MPP7: variants seen among roughly 807,000 people sequenced by gnomAD.
MPP7 encodes MAGUK p55 subfamily member 7.
Under a neutral mutation model 76.5 loss-of-function variants are expected in MPP7, and 60 were observed. The observed-to-expected ratio is 0.78, with a 90% CI of 0.64 to 0.97. MPP7 has a LOEUF of 0.97. Among genes scored for constraint, MPP7 ranks in the 50% least tolerant of loss-of-function variants. The probability of loss-of-function intolerance (pLI) is 0.00; values close to 1 mark genes in which losing one functional copy is unlikely to be tolerated. For missense variants in MPP7, 641 were observed against 694.0 expected, an observed-to-expected ratio of 0.92 and a Z score of 0.86; for synonymous variants, 237 against 244.5, an observed-to-expected ratio of 0.97 and a Z score of 0.29.
At chr10:28,185,077 C>G (rs1837189441) in intron 3 of MPP7, among the ~76,000 whole-genome samples, 1 of 147,128 alleles carries the variant, frequency 6.8e-6, no homozygotes, top group Non-Finnish European at 1.5e-5. Context: ...GCCTGTAATC[C>G]CAGCACTTTG....
intron 1 of MPP7, among the ~76,000 whole-genome samples, chr10:28,256,982 A>G (rs563424761): frequency 2.6e-5 from 4 of 152,236 alleles, no homozygotes; most frequent in African/African-American, 7.2e-5. Flanking sequence ...AGGTAACCAC[A>G]GTTGGCTACA....
At chr10:28,072,553 C>G (rs1852288059) in intron 12 of MPP7, among the ~76,000 whole-genome samples, 1 of 152,194 alleles carries the variant, frequency 6.6e-6, no homozygotes, top group African/African-American at 2.4e-5. Flanking sequence ...CTGTGGAAAC[C>G]ACTCTCTATG....
Position 28,245,682 on chromosome 10 carries a change from T to A in MPP7, c.-131-6947A>T, listed in dbSNP as rs761724112. ...TCACATTTTTTTTTTCAAGACAGAGTTCCGCTCTTGTTGCCCAGGCTGGAG... is the reference window on the plus strand; with the variant it reads ...TCACATTTTTTTTTTCAAGACAGAGATCCGCTCTTGTTGCCCAGGCTGGAG... On this transcript the variant is annotated intron_variant, in intron 1 of 16. Coordinates refer to ENST00000683449, the MANE Select transcript of MPP7 (RefSeq NM_001318170.2). Among the ~76,000 whole-genome samples, 39 of 150,648 alleles carry A rather than the reference T, an allele frequency of 2.6e-4. 1 individual carries two copies. Among genetic ancestry groups the A allele is most frequent in the South Asian group, 1.7e-3 (8 of 4,760 alleles).
intron 14 of MPP7, 45 bp downstream of exon 14, chr10:28,059,605 T>C: frequency 2.3e-6 from 3 of 1,283,168 alleles, no homozygotes; most frequent in Non-Finnish European, 3.4e-6. Context: ...AGGCATGTGC[T>C]TATAAAAAAC....
At chr10:28,173,618 A>G (rs1202094617) in intron 3 of MPP7, among the ~76,000 whole-genome samples, 1 of 152,154 alleles carries the variant, frequency 6.6e-6, no homozygotes, top group African/African-American at 2.4e-5. Context: ...GAGCCAAATA[A>G]ATTTTTCTTT....
intron 1 of MPP7, among the ~76,000 whole-genome samples, chr10:28,277,285 G>A (rs1446878112): frequency 1.3e-5 from 2 of 151,324 alleles, no homozygotes; most frequent in Non-Finnish European, 2.9e-5. Context: ...CAATCTTTTG[G>A]CTTTCCTGGG....
upstream of MPP7, among the ~76,000 whole-genome samples, chr10:28,307,073 G>A (rs995871428): frequency 1.3e-5 from 2 of 152,184 alleles, no homozygotes; most frequent in Admixed American, 6.5e-5. Flanking sequence ...CCCTGTTTAT[G>A]AGCAGAGGTT....
chr10:28,081,189 G>C lies in MPP7; in HGVS notation c.1123+8482C>G, dbSNP rs77682349. Among the ~76,000 whole-genome samples the C allele has an allele frequency of 8.4e-3, 1,285 of 152,324 alleles. 15 individuals are homozygous for C. The highest frequency in any genetic ancestry group is 0.014 in the Non-Finnish European group (928 of 68,026). On this transcript the variant is annotated intron_variant, in intron 12 of 16. Coordinates refer to ENST00000683449, the MANE Select transcript of MPP7 (RefSeq NM_001318170.2). ...TGTACCTCCCAGCCAGACAGAACAA[G>C]TCGCAAATTGTCTGAATATCCACAA... is the stretch of plus-strand genomic sequence containing the variant.
chr10:28,311,399 T>C (rs1156493882), intron 2 of MPP7, among the ~76,000 whole-genome samples: 1 of 152,146 alleles, frequency 6.6e-6, no homozygotes, highest in African/African-American at 2.4e-5. Flanking sequence ...TTATATGTGG[T>C]CCCCAGCATA....
intron 13 of MPP7, among the ~76,000 whole-genome samples, chr10:28,066,005 G>A (rs1282761163): frequency 6.6e-6 from 1 of 152,132 alleles, no homozygotes; most frequent in Non-Finnish European, 1.5e-5. Flanking sequence ...TGTATTAATA[G>A]TCATTCAGAT....
intron 3 of MPP7, among the ~76,000 whole-genome samples, chr10:28,156,382 T>C (rs576326868): frequency 6.6e-6 from 1 of 152,276 alleles, no homozygotes; most frequent in African/African-American, 2.4e-5. Context: ...GATTCTCGTC[T>C]CCCTTTGACT....
At chr10:28,115,414 T>G (rs1446785264) in intron 11 of MPP7, among the ~76,000 whole-genome samples, 2 of 152,200 alleles carry the variant, frequency 1.3e-5, no homozygotes, top group Non-Finnish European at 2.9e-5. Flanking sequence ...ATGTTAGGTA[T>G]TTTTTAAAAC....
At chr10:28,157,572 G>A (rs1244166423) in intron 3 of MPP7, among the ~76,000 whole-genome samples, 3 of 152,114 alleles carry the variant, frequency 2.0e-5, no homozygotes, top group Non-Finnish European at 4.4e-5. Context: ...TGAGATGAAG[G>A]GCATGCCTGC....
chr10:28,262,190 T>TAC (rs1839976186), intron 1 of MPP7, among the ~76,000 whole-genome samples: 1 of 4,656 alleles, frequency 2.1e-4, no homozygotes, highest in African/African-American at 6.1e-4. Flanking sequence ...ATAAATTATA[T>TAC]ATATATATAT....
rs185868766 is a variant in MPP7 at position 28,152,975 on chromosome 10, C to T, written c.157-2916G>A. 1.7e-3 allele frequency among the ~76,000 whole-genome samples: 265 copies of T among 152,146 alleles called. 2 individuals are homozygous for T. The highest frequency in any genetic ancestry group is 5.9e-3 in the African/African-American group (246 of 41,518). ...GACATAATAAAAGTACACTTCAGAC[C>T]GAGTGTGGTGGCTCATGCCTATAAT... On this transcript the variant is annotated intron_variant, in intron 3 of 16. Transcript: ENST00000683449.
chr10:28,248,288 G>C (rs942929056), intron 1 of MPP7, among the ~76,000 whole-genome samples: 1 of 152,114 alleles, frequency 6.6e-6, no homozygotes, highest in Non-Finnish European at 1.5e-5. Context: ...AGGGGAACCT[G>C]GCTGGGAAAA....
At chr10:28,202,336 G>T in intron 2 of MPP7, 65 bp from the exon 3 acceptor site, 2 of 1,126,944 alleles carry the variant, frequency 1.8e-6, no homozygotes, top group Non-Finnish European at 2.6e-6. Flanking sequence ...CGCCTAAGGT[G>T]TGTGTAAATG....
At chr10:28,225,347 T>C (rs1838654129) in intron 2 of MPP7, among the ~76,000 whole-genome samples, 1 of 152,186 alleles carries the variant, frequency 6.6e-6, no homozygotes, top group Non-Finnish European at 1.5e-5. Flanking sequence ...TAAAAACATT[T>C]GTCCATCAAA....
intron 3 of MPP7, among the ~76,000 whole-genome samples, chr10:28,155,776 A>C (rs2985528): frequency 0.85 from 128,480 of 151,912 alleles, 54,675 homozygotes; most frequent in Admixed American, 0.91. Context: ...CTTAAAAAAA[A>C]AAAACAAAAC....
Sources: allele counts gnomAD v4.1 joint callset (sites outside exome capture counted in the v4.1 genomes callset), GRCh38; gene constraint gnomAD v4.1.1; transcripts MANE v1.5; gene names NCBI Gene and HGNC (gene_info 2026-07-23, HGNC 2026-07-21).